PTCHD4: variants seen among roughly 807,000 people sequenced by gnomAD.
PTCHD4 encodes the protein patched domain containing 4.
Under a neutral mutation model 58.1 loss-of-function variants are expected in PTCHD4, and 33 were observed. The observed-to-expected ratio is 0.57, with a 90% CI of 0.43 to 0.76. PTCHD4 has a LOEUF of 0.76. Among genes scored for constraint, PTCHD4 ranks in the 30% least tolerant of loss-of-function variants. PTCHD4 has a pLI of 0.00. For synonymous variants in PTCHD4, 478 were observed against 409.6 expected, an observed-to-expected ratio of 1.17 and a Z score of -2.02; for missense variants, 1,058 against 1,027.1, an observed-to-expected ratio of 1.03 and a Z score of -0.41.
At chr6:48,025,806 C>T (rs910266395) in intron 3 of PTCHD4, among the ~76,000 whole-genome samples, 1 of 152,152 alleles carries the variant, frequency 6.6e-6, no homozygotes, top group Non-Finnish European at 1.5e-5. Context: ...TTTCTCAGAA[C>T]TGGAGCTGGC....
chr6:48,079,970 A>ATTTTTTTTTTTTTT (rs141629864), intron 1 of PTCHD4, among the ~76,000 whole-genome samples: 2 of 76,146 alleles, frequency 2.6e-5, no homozygotes, highest in South Asian at 9.6e-4. Flanking sequence ...CCTTATGATG[A>ATTTTTTTTTTTTTT]TTTTTTTTTT....
intron 4 of PTCHD4, among the ~76,000 whole-genome samples, chr6:47,984,348 A>G (rs976528538): frequency 6.6e-6 from 1 of 152,130 alleles, no homozygotes; most frequent in African/African-American, 2.4e-5. Context: ...TTGCATGGTG[A>G]CAGGAGAGAG....
chr6:48,101,767 T>C (rs776371979), intron 1 of PTCHD4, among the ~76,000 whole-genome samples: 8 of 152,180 alleles, frequency 5.3e-5, no homozygotes, highest in Non-Finnish European at 8.8e-5. Flanking sequence ...GGTCCTACTG[T>C]GGACAAACAA....
In PTCHD4 at chr6:47,876,342, T is replaced by C. The variant is rs1763847869; in HGVS notation, c.*1961A>G. On this transcript the variant is annotated 3_prime_UTR_variant, in exon 5 of 5. Transcript: ENST00000339488. ...TGAAACTGACACAATGGAGAAGACA[T>C]AGATCATTTCCTGTTGAAACCCAAT... 2.0e-5 allele frequency among the ~76,000 whole-genome samples: 3 copies of C among 151,862 alleles called. No individual in the cohort carries two copies. Among genetic ancestry groups the C allele is most frequent in the Admixed American group, 1.3e-4 (2 of 15,218 alleles).
At chr6:47,965,786 G>A (rs1430881286) in intron 4 of PTCHD4, among the ~76,000 whole-genome samples, 2 of 151,868 alleles carry the variant, frequency 1.3e-5, no homozygotes, top group African/African-American at 4.8e-5. Context: ...AAATTGGTGG[G>A]CGCCAGTAGT....
intron 1 of PTCHD4, among the ~76,000 whole-genome samples, chr6:48,096,354 G>A (rs1205567302): frequency 1.3e-5 from 2 of 152,192 alleles, no homozygotes; most frequent in African/African-American, 4.8e-5. Context: ...GCTCACAACT[G>A]TAATCCCAGC....
intron 3 of PTCHD4, among the ~76,000 whole-genome samples, chr6:48,064,155 C>T (rs1764717944): frequency 6.6e-6 from 1 of 152,110 alleles, no homozygotes. Context: ...ATTTCTCTAT[C>T]ACCGTTGGCC....
Position 47,879,562 on chromosome 6 carries a change from C to A in PTCHD4, c.1273G>T (p.Asp425Tyr), listed in dbSNP as rs1156359772. The A allele has an allele frequency of 1.2e-6, 2 of 1,613,766 alleles. No homozygotes were observed. Among genetic ancestry groups the A allele is most frequent in the Non-Finnish European group, 1.7e-6 (2 of 1,179,776 alleles). ...TGATGGGACGTCTGTTGATGCCCAT[C>A]ACTCATCACTGTCTGGAACCACACA... ...KPVWFQTVMS[D>Y]GHQQTSHHET... The change falls in exon 5 of 5, where the codon GAT (aspartate) becomes TAT (tyrosine). Residue 425 changes from aspartate to tyrosine, a missense_variant. Transcript: ENST00000339488.
At chr6:47,991,222 G>A (rs1768270250) in intron 4 of PTCHD4, among the ~76,000 whole-genome samples, 1 of 151,980 alleles carries the variant, frequency 6.6e-6, no homozygotes, top group Non-Finnish European at 1.5e-5. Flanking sequence ...TCAATCAAAG[G>A]AAGTCATATC....
intron 3 of PTCHD4, among the ~76,000 whole-genome samples, chr6:48,060,979 C>A (rs1261110677): frequency 6.6e-6 from 1 of 152,178 alleles, no homozygotes; most frequent in Non-Finnish European, 1.5e-5. Context: ...GACTTGATTT[C>A]AGTGAGAGGC....
At chr6:48,093,713 A>T (rs1052585374) in intron 1 of PTCHD4, among the ~76,000 whole-genome samples, 3 of 151,590 alleles carry the variant, frequency 2.0e-5, no homozygotes, top group African/African-American at 7.3e-5. Flanking sequence ...CCACCTTCAT[A>T]TATTAATTAA....
chr6:47,949,471 G>T (rs1244080005), intron 4 of PTCHD4, among the ~76,000 whole-genome samples: 1 of 152,106 alleles, frequency 6.6e-6, no homozygotes, highest in Non-Finnish European at 1.5e-5. Context: ...ATCTATGTAG[G>T]TTGCATCCAT....
At chr6:48,081,230 A>G (rs1023425892) in intron 1 of PTCHD4, among the ~76,000 whole-genome samples, 2 of 152,246 alleles carry the variant, frequency 1.3e-5, no homozygotes, top group Non-Finnish European at 2.9e-5. Context: ...ATTTGGTGAT[A>G]GATTAAATGT....
intron 4 of PTCHD4, among the ~76,000 whole-genome samples, chr6:48,008,044 C>G (rs534283337): frequency 7.2e-5 from 11 of 152,114 alleles, no homozygotes; most frequent in Admixed American, 6.6e-4. Context: ...TTGACTAAGG[C>G]TATTCATTAA....
At chr6:48,056,379 G>C (rs1193218051) in intron 3 of PTCHD4, among the ~76,000 whole-genome samples, 1 of 152,108 alleles carries the variant, frequency 6.6e-6, no homozygotes, top group Non-Finnish European at 1.5e-5. Flanking sequence ...AACCTATACT[G>C]TCTAGGGGTT....
In PTCHD4 at chr6:47,856,867, T is replaced by A. The variant is rs1301296464; in HGVS notation, c.*21436A>T. Among the ~76,000 whole-genome samples, 4 of 152,082 alleles carry A rather than the reference T, an allele frequency of 2.6e-5. No homozygotes were observed. The highest frequency in any genetic ancestry group is 5.9e-5 in the Non-Finnish European group (4 of 67,994). ...TGATTTTCTAATATAAAAAAGCATATAGTCATCAACCTTTATATAAATCCA... is the reference window on the plus strand; with the variant it reads ...TGATTTTCTAATATAAAAAAGCATAAAGTCATCAACCTTTATATAAATCCA... On this transcript the variant is annotated 3_prime_UTR_variant, in exon 5 of 5. Coordinates refer to ENST00000339488, the MANE Select transcript of PTCHD4 (RefSeq NM_001384253.1).
chr6:47,933,883 A>T (rs1765912811), intron 4 of PTCHD4, among the ~76,000 whole-genome samples: 1 of 152,164 alleles, frequency 6.6e-6, no homozygotes, highest in Non-Finnish European at 1.5e-5. Context: ...TATGAATTAC[A>T]AAACAAATTA....
rs372044078 is a variant in PTCHD4, at chr6:47,979,791, A to C, written c.898+28843T>G. 2.6e-5 allele frequency among the ~76,000 whole-genome samples: 4 copies of C among 152,188 alleles called. No individual in the cohort carries two copies. In the East Asian group the frequency reaches 7.7e-4, roughly 29 times the overall value. ...ATTTGGAGAGGAGAATACTATCCTTAGGTAAAGCACTATAGAGATCTGAAA... is the reference window on the plus strand; with the variant it reads ...ATTTGGAGAGGAGAATACTATCCTTCGGTAAAGCACTATAGAGATCTGAAA... On this transcript the variant is annotated intron_variant, in intron 4 of 4. Coordinates refer to ENST00000339488, the MANE Select transcript of PTCHD4 (RefSeq NM_001384253.1).
rs747119347 is a variant in PTCHD4 at position 47,906,312 on chromosome 6, A to G, written c.899-26376T>C. ...TCATTGCACACAGTGAAGACTATCA[A>G]GAATGTTTTCCTGCTGCTAGAGAGA... On this transcript the variant is annotated intron_variant, in intron 4 of 4. Transcript: ENST00000339488. 2.6e-5 allele frequency among the ~76,000 whole-genome samples: 4 copies of G among 152,238 alleles called. No homozygotes were observed. The East Asian group carries it at 5.8e-4, about 22-fold the overall frequency.
Sources: allele counts gnomAD v4.1 joint callset (sites outside exome capture counted in the v4.1 genomes callset), GRCh38; gene constraint gnomAD v4.1.1; transcripts MANE v1.5; gene names NCBI Gene and HGNC (gene_info 2026-07-23, HGNC 2026-07-21).